WDR27: variants seen among roughly 807,000 people sequenced by gnomAD.
WDR27 encodes the protein WD repeat domain 27.
In WDR27, 100 loss-of-function variants were observed where a neutral mutation model predicts 114.4. That is an observed-to-expected ratio of 0.87 (90% confidence interval 0.74 to 1.03). WDR27 has a LOEUF of 1.03. WDR27 is among the 50% of genes least tolerant of loss of function. The probability of loss-of-function intolerance (pLI) is 0.00; values close to 1 mark genes in which losing one functional copy is unlikely to be tolerated. For synonymous variants in WDR27, 449 were observed against 423.1 expected (o/e 1.06, Z -0.75); for missense variants, 1,129 against 1,092.9 (o/e 1.03, Z -0.47).
chr6:169,494,173 T>A (rs529986261), intron 25 of WDR27, among the ~76,000 whole-genome samples: 1 of 152,124 alleles, frequency 6.6e-6, no homozygotes, highest in South Asian at 2.1e-4. Context: ...GCTATGAGGG[T>A]GTTTTTGATG....
At chr6:169,700,119 T>C (rs927160980) in intron 1 of WDR27, among the ~76,000 whole-genome samples, 1 of 152,182 alleles carries the variant, frequency 6.6e-6, no homozygotes, top group African/African-American at 2.4e-5. Flanking sequence ...TGTCTCCCTT[T>C]TCCAAAAGGG....
intron 1 of WDR27, among the ~76,000 whole-genome samples, chr6:169,699,781 A>AG (rs1787362116): frequency 6.6e-6 from 1 of 152,166 alleles, no homozygotes; most frequent in South Asian, 2.1e-4. Flanking sequence ...CAGGAGTTCA[A>AG]GACCAGCCTG....
intron 25 of WDR27, among the ~76,000 whole-genome samples, chr6:169,553,495 T>C (rs998777746): frequency 3.9e-5 from 6 of 152,220 alleles, no homozygotes; most frequent in East Asian, 1.9e-4. Context: ...AACACACAGA[T>C]CAGCTGTTCT....
chr6:169,430,000 C>T, the WDR27 span, among the ~76,000 whole-genome samples: 1 of 152,192 alleles, frequency 6.6e-6, no homozygotes, highest in African/African-American at 2.4e-5. Context: ...GGCCAAGGCC[C>T]CTCATGTCTC....
chr6:169,601,908 ATAT>A (rs983049880), intron 23 of WDR27, among the ~76,000 whole-genome samples: 52 of 152,364 alleles, frequency 3.4e-4, no homozygotes, highest in African/African-American at 1.2e-3. Context: ...TCACTAATTA[ATAT>A]TATCATCTTG....
chr6:169,564,820 G>A (rs558171341), intron 25 of WDR27, among the ~76,000 whole-genome samples: 39 of 151,868 alleles, frequency 2.6e-4, no homozygotes, highest in Admixed American at 2.0e-3. Context: ...CCCCCATTCC[G>A]TCAGCTAGCC....
intron 6 of WDR27, 32 bp downstream of exon 6, chr6:169,667,104 A>C: frequency 6.7e-7 from 1 of 1,487,136 alleles, no homozygotes; most frequent in Non-Finnish European, 8.9e-7. Flanking sequence ...CACACAACCT[A>C]TTTACAGAAA....
chr6:169,505,807 G>A (rs1325657580), intron 25 of WDR27, among the ~76,000 whole-genome samples: 1 of 152,180 alleles, frequency 6.6e-6, no homozygotes, highest in Non-Finnish European at 1.5e-5. Context: ...TTAAAATGCT[G>A]AGTGCTGGAC....
At chr6:169,661,943 G>T (rs188689297) in intron 9 of WDR27, among the ~76,000 whole-genome samples, 12 of 152,206 alleles carry the variant, frequency 7.9e-5, no homozygotes, top group Non-Finnish European at 4.4e-5. Flanking sequence ...AAATTAGTCT[G>T]GGGTTAACTT....
rs182997711 is a variant in WDR27, at chr6:169,657,045, G to A, written c.1402+1231C>T. ...AGCAGAGCATAAACCGGCAGGAGAC[G>A]GGCAGTTCACACCGACAGTGGGTCT... is the stretch of plus-strand genomic sequence containing the variant. On this transcript the variant is annotated intron_variant, in intron 13 of 25. Transcript: ENST00000448612. Among the ~76,000 whole-genome samples the A allele has an allele frequency of 2.5e-4, 38 of 152,210 alleles. No individual in the cohort carries two copies. In the East Asian group the frequency reaches 7.0e-3, roughly 28 times the overall value.
the WDR27 span, among the ~76,000 whole-genome samples, chr6:169,448,443 C>G: frequency 6.9e-6 from 1 of 144,064 alleles, no homozygotes; most frequent in African/African-American, 2.6e-5. Flanking sequence ...TATTTTTTTA[C>G]TATTGTGCAG....
At chr6:169,652,041 C>A in intron 13 of WDR27, 33 bp from the exon 14 acceptor site, 1 of 1,599,366 alleles carries the variant, frequency 6.3e-7, no homozygotes, top group Non-Finnish European at 8.6e-7. Flanking sequence ...AAGAAACAAA[C>A]ACTTAAAATT....
the WDR27 span, among the ~76,000 whole-genome samples, chr6:169,427,963 G>A: frequency 6.6e-6 from 1 of 152,278 alleles, no homozygotes; most frequent in Admixed American, 6.5e-5. Flanking sequence ...TTCAGCGGGA[G>A]GGGAGGAGGC....
chr6:169,656,966 C>A (rs527822977), intron 13 of WDR27, among the ~76,000 whole-genome samples: 7 of 152,160 alleles, frequency 4.6e-5, no homozygotes, highest in Admixed American at 2.0e-4. Context: ...GCCGCCTCCC[C>A]CCGGCCTTCA....
intron 24 of WDR27, among the ~76,000 whole-genome samples, chr6:169,577,765 C>T (rs980085737): frequency 6.6e-6 from 1 of 152,180 alleles, no homozygotes; most frequent in Non-Finnish European, 1.5e-5. Context: ...AGACATTCGC[C>T]GCAGCAGCTT....
intron 16 of WDR27, among the ~76,000 whole-genome samples, chr6:169,644,982 CTGAG>C (rs1342863410): frequency 1.8e-5 from 1 of 54,848 alleles, no homozygotes; most frequent in Non-Finnish European, 2.9e-5. Context: ...GCACTCCAGC[CTGAG>C]TGACAGAGCG....
At chr6:169,612,017 T>A (rs754516168) in intron 22 of WDR27, among the ~76,000 whole-genome samples, 1 of 152,046 alleles carries the variant, frequency 6.6e-6, no homozygotes, top group Non-Finnish European at 1.5e-5. Flanking sequence ...ATGCCTACAG[T>A]CCCAGCTACT....
intron 2 of WDR27, among the ~76,000 whole-genome samples, chr6:169,686,075 G>A (rs1221735160): frequency 6.6e-6 from 1 of 152,118 alleles, no homozygotes; most frequent in Admixed American, 6.5e-5. Flanking sequence ...TAAACTTCCA[G>A]CCAAGAATAT....
chr6:169,627,725 G>T (rs1183101240), intron 21 of WDR27, among the ~76,000 whole-genome samples: 9 of 152,172 alleles, frequency 5.9e-5, no homozygotes. Context: ...AAGATACTGG[G>T]TTCAGTTGAG....
Sources: allele counts gnomAD v4.1 joint callset (sites outside exome capture counted in the v4.1 genomes callset), GRCh38; gene constraint gnomAD v4.1.1; transcripts MANE v1.5; gene names NCBI Gene and HGNC (gene_info 2026-07-23, HGNC 2026-07-21).